The following TMEM117 variants were observed in gnomAD, a reference collection of about 807,000 sequenced individuals.
TMEM117 encodes transmembrane protein 117.
Under a neutral mutation model 52.4 loss-of-function variants are expected in TMEM117, and 27 were observed. The ratio of observed to expected loss-of-function variants is 0.51; its 90% CI spans 0.38 to 0.71. The LOEUF (loss-of-function observed/expected upper bound fraction) is 0.71, where lower values mean the gene tolerates loss of function less well. Among genes scored for constraint, TMEM117 ranks in the 30% least tolerant of loss-of-function variants. TMEM117 has a pLI of 0.00. For synonymous variants in TMEM117, 215 were observed against 206.3 expected, an observed-to-expected ratio of 1.04 and a Z score of -0.36; for missense variants, 556 against 630.5, an observed-to-expected ratio of 0.88 and a Z score of 1.26.
chr12:43,920,300 C>T (rs1283204267), intron 2 of TMEM117, among the ~76,000 whole-genome samples: 4 of 152,176 alleles, frequency 2.6e-5, no homozygotes, highest in Admixed American at 2.0e-4. Flanking sequence ...CCGAGGCGGG[C>T]GGATCACGAG....
chr12:44,352,486 C>G (rs1951578273), intron 6 of TMEM117, among the ~76,000 whole-genome samples: 1 of 152,004 alleles, frequency 6.6e-6, no homozygotes, highest in South Asian at 2.1e-4. Context: ...TGATGTTCCC[C>G]TTCCTGTGTC....
chr12:44,018,805 C>T (rs1169636677), intron 3 of TMEM117, among the ~76,000 whole-genome samples: 3 of 151,646 alleles, frequency 2.0e-5, no homozygotes, highest in Admixed American at 6.6e-5. Context: ...CTGCAACCTC[C>T]GCTTCCCAGG....
chr12:44,385,443 A>T (rs1038338633), intron 7 of TMEM117, among the ~76,000 whole-genome samples: 1 of 152,156 alleles, frequency 6.6e-6, no homozygotes, highest in Admixed American at 6.6e-5. Context: ...GGGAGTCAAG[A>T]AAGTAGTGGG....
At chr12:44,286,275 A>G (rs1334066054) in intron 5 of TMEM117, among the ~76,000 whole-genome samples, 1 of 151,300 alleles carries the variant, frequency 6.6e-6, no homozygotes, top group African/African-American at 2.4e-5. Context: ...AAACATTTAG[A>G]ACATGAATAA....
intron 3 of TMEM117, among the ~76,000 whole-genome samples, chr12:43,969,531 A>T (rs931985480): frequency 2.1e-5 from 3 of 146,260 alleles, no homozygotes; most frequent in African/African-American, 7.6e-5. Flanking sequence ...CAAAAAAATA[A>T]TAATAATAAT....
At chr12:44,213,258 C>A (rs1442307005) in intron 5 of TMEM117, among the ~76,000 whole-genome samples, 1 of 152,130 alleles carries the variant, frequency 6.6e-6, no homozygotes. Context: ...GACTCCAGAG[C>A]CCTAGTTTGT....
At chr12:44,341,208 C>G (rs949080453) in intron 6 of TMEM117, among the ~76,000 whole-genome samples, 1 of 151,966 alleles carries the variant, frequency 6.6e-6, no homozygotes, top group African/African-American at 2.4e-5. Flanking sequence ...CACCATGTTG[C>G]CTAGGTTGGT....
chr12:44,366,357 A>G (rs371850582), intron 6 of TMEM117, among the ~76,000 whole-genome samples: 2 of 152,076 alleles, frequency 1.3e-5, no homozygotes, highest in African/African-American at 4.8e-5. Flanking sequence ...TCTCTCTCCC[A>G]TAGGTGTCCA....
intron 3 of TMEM117, among the ~76,000 whole-genome samples, chr12:44,036,977 T>C (rs1946719589): frequency 6.6e-6 from 1 of 152,210 alleles, no homozygotes; most frequent in Non-Finnish European, 1.5e-5. Flanking sequence ...ATCTTTCATA[T>C]TGATGGCAGC....
Position 43,908,201 on chromosome 12 carries a change from T to G in TMEM117, c.278-36009T>G, listed in dbSNP as rs1180535696. Among the ~76,000 whole-genome samples the G allele has an allele frequency of 1.3e-4, 9 of 69,452 alleles. 1 individual carries two copies. The highest frequency in any genetic ancestry group is 9.7e-3 in the Middle Eastern group (2 of 206). The allele number at this position is 69,452 out of a possible 152,430, so 45.6% of individuals were successfully genotyped here. On this transcript the variant is annotated intron_variant, in intron 2 of 7. Coordinates refer to ENST00000266534, the MANE Select transcript of TMEM117 (RefSeq NM_032256.3). ...AGTGGGGGCCAATATTCAACATTCT[T>G]AAAGAAAAGAATTTTCAACCCAGAA...
At chr12:44,192,406 T>C (rs1949366954) in intron 4 of TMEM117, among the ~76,000 whole-genome samples, 2 of 152,192 alleles carry the variant, frequency 1.3e-5, no homozygotes, top group Middle Eastern at 3.2e-3. Flanking sequence ...CCAAATAAAA[T>C]GGACTAATTT....
At chr12:43,992,711 C>T (rs1231622278) in intron 3 of TMEM117, among the ~76,000 whole-genome samples, 1 of 152,226 alleles carries the variant, frequency 6.6e-6, no homozygotes, top group Non-Finnish European at 1.5e-5. Flanking sequence ...AGGCCCCCAG[C>T]TTCACTTCCT....
chr12:44,180,740 T>A (rs1419550393), intron 4 of TMEM117, among the ~76,000 whole-genome samples: 1 of 152,090 alleles, frequency 6.6e-6, no homozygotes, highest in Non-Finnish European at 1.5e-5. Flanking sequence ...ATTTTCTTAA[T>A]CCAGTCTATC....
At chr12:44,156,210 C>G (rs1284060923) in intron 4 of TMEM117, among the ~76,000 whole-genome samples, 2 of 152,138 alleles carry the variant, frequency 1.3e-5, no homozygotes, top group Non-Finnish European at 2.9e-5. Context: ...ACCTCAAGTT[C>G]ATGCTGTATT....
At chr12:44,330,878 A>G (rs1944381296) in intron 6 of TMEM117, among the ~76,000 whole-genome samples, 2 of 152,114 alleles carry the variant, frequency 1.3e-5, no homozygotes, top group African/African-American at 4.8e-5. Flanking sequence ...AGAAGTAGCA[A>G]CAGGGTCTCA....
intron 3 of TMEM117, among the ~76,000 whole-genome samples, chr12:44,103,985 C>T (rs1164965752): frequency 6.6e-6 from 1 of 151,706 alleles, no homozygotes; most frequent in African/African-American, 2.4e-5. Context: ...ATCAACAAAC[C>T]CCTGAATTAA....
At chr12:44,327,768 A>G (rs1015646660) in intron 6 of TMEM117, among the ~76,000 whole-genome samples, 6 of 152,078 alleles carry the variant, frequency 3.9e-5, no homozygotes, top group Non-Finnish European at 8.8e-5. Flanking sequence ...TATTGCATTT[A>G]GAGTCAGTCC....
intron 2 of TMEM117, among the ~76,000 whole-genome samples, chr12:43,847,014 A>C (rs1169485588): frequency 6.6e-6 from 1 of 152,166 alleles, no homozygotes; most frequent in African/African-American, 2.4e-5. Flanking sequence ...TAGTTTCTAG[A>C]CATTTGGTGA....
intron 2 of TMEM117, among the ~76,000 whole-genome samples, chr12:43,933,511 A>C (rs1944905110): frequency 6.6e-6 from 1 of 151,946 alleles, no homozygotes; most frequent in South Asian, 2.1e-4. Context: ...AGTAATACTA[A>C]TTTTTAACAA....
Sources: gnomAD v4.1 joint callset for allele counts (sites outside exome capture counted in the v4.1 genomes callset) on GRCh38, gnomAD v4.1.1 for gene constraint, MANE v1.5 for transcripts, NCBI Gene and HGNC (gene_info 2026-07-23, HGNC 2026-07-21) for gene names.